TAMM41: variants seen among roughly 807,000 people sequenced by gnomAD.
The protein encoded by TAMM41 is TAM41 mitochondrial translocator assembly and maintenance homolog, also known as phosphatidate cytidylyltransferase, mitochondrial.
In TAMM41, 36 loss-of-function variants were observed where a neutral mutation model predicts 44.1. The ratio of observed to expected loss-of-function variants is 0.82; its 90% confidence interval spans 0.63 to 1.08. The LOEUF is 1.08. TAMM41 is among the 50% of genes least tolerant of loss of function. The pLI is 0.00. For missense variants in TAMM41, 417 were observed against 404.3 expected (o/e 1.03, Z -0.27); for synonymous variants, 164 against 153.1 (o/e 1.07, Z -0.53).
At chr3:11,742,502 G>A in the TAMM41 span, among the ~76,000 whole-genome samples, 30 of 150,026 alleles carry the variant, frequency 2.0e-4, no homozygotes, top group Non-Finnish European at 3.4e-4. Flanking sequence ...CACAGACACC[G>A]GCACCATTTC....
intron 7 of TAMM41, among the ~76,000 whole-genome samples, chr3:11,792,628 C>T (rs2077506365): frequency 6.6e-6 from 1 of 152,148 alleles, no homozygotes; most frequent in Admixed American, 6.5e-5. Flanking sequence ...ATAATTTCAA[C>T]AGAGGTGGAG....
the TAMM41 span, among the ~76,000 whole-genome samples, chr3:11,729,741 G>A: frequency 6.6e-6 from 1 of 151,022 alleles, no homozygotes; most frequent in Non-Finnish European, 1.5e-5. Flanking sequence ...TGTATTTTTA[G>A]TAGAGACAGA....
At chr3:11,738,440 C>CTAGTTATTG in the TAMM41 span, among the ~76,000 whole-genome samples, 4 of 152,136 alleles carry the variant, frequency 2.6e-5, no homozygotes, top group Admixed American at 2.0e-4. Context: ...ATACATGGTG[C>CTAGTTATTG]TAGTTATTGT....
At chr3:11,794,148 A>AT (rs746651341) in intron 7 of TAMM41, among the ~76,000 whole-genome samples, 1,540 of 112,118 alleles carry the variant, frequency 0.014, 15 homozygotes, top group Middle Eastern at 0.074. Flanking sequence ...ACTTTCTTCA[A>AT]TTTTTTTTTT....
chr3:11,823,781 C>A (rs2125010525), intron 4 of TAMM41, among the ~76,000 whole-genome samples: 1 of 148,366 alleles, frequency 6.7e-6, no homozygotes, highest in African/African-American at 2.5e-5. Context: ...CTGCCTCAGC[C>A]TCCCTAGTAG....
At chr3:11,761,130 T>C in the TAMM41 span, among the ~76,000 whole-genome samples, 1 of 149,732 alleles carries the variant, frequency 6.7e-6, no homozygotes, top group African/African-American at 2.5e-5. Context: ...ATCGGGCCAC[T>C]GCACTCCAGC....
At chr3:11,781,736 A>AAATAATAATAAT in the TAMM41 span, among the ~76,000 whole-genome samples, 482 of 123,042 alleles carry the variant, frequency 3.9e-3, 1 homozygote, top group Middle Eastern at 7.5e-3. Flanking sequence ...CTCCATCTCA[A>AAATAATAATAAT]AATAATAATA....
the TAMM41 span, among the ~76,000 whole-genome samples, chr3:11,769,279 G>C: frequency 1.3e-5 from 2 of 152,026 alleles, no homozygotes; most frequent in Non-Finnish European, 2.9e-5. Context: ...TAGTAAAGAT[G>C]GGGTTTCACC....
intron 5 of TAMM41, among the ~76,000 whole-genome samples, chr3:11,816,102 C>A (rs2124981008): frequency 6.6e-6 from 1 of 151,928 alleles, no homozygotes; most frequent in African/African-American, 2.4e-5. Context: ...TTTAAATTCC[C>A]TTTTTAGCTC....
rs140199721 is a variant in TAMM41 at position 11,833,287 on chromosome 3, G to A, written c.412-3423C>T. 7.7e-4 allele frequency: 420 copies of A among 548,364 alleles called. 5 individuals carry two copies. The African/African-American group carries it at 8.3e-3, about 11-fold the overall frequency. 34.0% of individuals were successfully genotyped at this position (548,364 alleles called of 1,614,324 possible). A position where few individuals can be genotyped will look rare whatever the true frequency, so the allele number is the denominator to read the frequency against. Reference sequence around the variant, plus strand: ...TCTTTACTGTAGAGAAAGGGGCATTGGCTTAAAGGGACTTTCAAAGGAGAT... The same window carrying A: ...TCTTTACTGTAGAGAAAGGGGCATTAGCTTAAAGGGACTTTCAAAGGAGAT... On this transcript the variant is annotated intron_variant, in intron 3 of 7. Coordinates refer to ENST00000455809, the MANE Select transcript of TAMM41 (RefSeq NM_001284401.2).
At chr3:11,784,650 G>A in the TAMM41 span, among the ~76,000 whole-genome samples, 1 of 152,174 alleles carries the variant, frequency 6.6e-6, no homozygotes, top group African/African-American at 2.4e-5. Context: ...GGTGGTTAAT[G>A]TTATAGGCTA....
At chr3:11,724,692 T>G in the TAMM41 span, 1 of 151,966 alleles carries the variant, frequency 6.6e-6, no homozygotes, top group Non-Finnish European at 1.5e-5. Context: ...CACTTCTGCC[T>G]CCCAATGTGC....
At chr3:11,749,892 T>C in the TAMM41 span, among the ~76,000 whole-genome samples, 3 of 132,926 alleles carry the variant, frequency 2.3e-5, no homozygotes, top group African/African-American at 2.8e-5. Flanking sequence ...TGTCAATTTC[T>C]TTTTCTTTCT....
At chr3:11,788,176 T>C (rs2077427856), downstream of TAMM41, among the ~76,000 whole-genome samples, 1 of 152,180 alleles carries the variant, frequency 6.6e-6, no homozygotes, top group Admixed American at 6.5e-5. Context: ...TGTGCTCCAA[T>C]GAGTATCTAG....
At position 11,790,613 on chromosome 3, in the gene TAMM41, T is replaced by C. The variant is rs138107383; in HGVS notation, c.938-32A>G. ...GAGAAAAGATGAGAAAGTAAGAAGA[T>C]GGAGGCTTGTTGAGTGGATGCTCAG... On this transcript the variant is annotated intron_variant, in intron 7 of 7. Transcript: ENST00000455809. The C allele has an allele frequency of 1.6e-5, 26 of 1,576,972 alleles. No homozygotes were observed. The East Asian group carries it at 5.6e-4, about 34-fold the overall frequency.
chr3:11,778,665 T>TAAAA, the TAMM41 span, among the ~76,000 whole-genome samples: 3 of 152,184 alleles, frequency 2.0e-5, no homozygotes, highest in Non-Finnish European at 4.4e-5. Context: ...GGAAAATGAC[T>TAAAA]ATGTGTCTTT....
chr3:11,836,792 CAA>C (rs1194233692), intron 3 of TAMM41, among the ~76,000 whole-genome samples: 1 of 151,978 alleles, frequency 6.6e-6, no homozygotes, highest in Non-Finnish European at 1.5e-5. Context: ...AACAAACAAA[CAA>C]AACAAAAAAC....
chr3:11,829,092 G>A (rs758357383), intron 4 of TAMM41, among the ~76,000 whole-genome samples: 24 of 152,090 alleles, frequency 1.6e-4, no homozygotes, highest in Non-Finnish European at 3.4e-4. Flanking sequence ...CTCAGTTTGG[G>A]ACATAATATG....
At chr3:11,815,353 G>A (rs1466600023) in intron 5 of TAMM41, among the ~76,000 whole-genome samples, 13 of 152,078 alleles carry the variant, frequency 8.5e-5, no homozygotes, top group Admixed American at 8.5e-4. Flanking sequence ...CAGGGCAGGG[G>A]GCTCCAGGAA....
Sources: allele counts gnomAD v4.1 joint callset (sites outside exome capture counted in the v4.1 genomes callset), GRCh38; gene constraint gnomAD v4.1.1; transcripts MANE v1.5; gene names NCBI Gene and HGNC (gene_info 2026-07-23, HGNC 2026-07-21).